The following CD6 variants were observed in gnomAD, a reference collection of about 807,000 sequenced individuals.
CD6 encodes CD6 molecule.
A neutral mutation model predicts 75.3 loss-of-function variants in CD6; 53 were observed. The observed-to-expected ratio is 0.70, with a 90% confidence interval of 0.56 to 0.88. The LOEUF is 0.88. CD6 is among the 40% of genes least tolerant of loss of function. The pLI, the probability that CD6 is intolerant of heterozygous loss-of-function variation, is 0.00. For synonymous variants in CD6, 359 were observed against 381.5 expected (o/e 0.94, Z 0.69); for missense variants, 770 against 897.1 (o/e 0.86, Z 1.81).
rs149059693 is a variant in CD6 at position 61,016,848 on chromosome 11, C to T, written c.1511-631C>T. On this transcript the variant is annotated intron_variant, in intron 9 of 12. Coordinates refer to ENST00000313421, the MANE Select transcript of CD6 (RefSeq NM_006725.5). ...TGGGGGTGGGACACGGATGATTCCA[C>T]TTCTTCTGGCCTGTGGACCAGTGTT... 7.3e-3 allele frequency: 1,119 copies of T among 152,646 alleles called. 6 individuals carry two copies. The highest frequency in any genetic ancestry group is 0.017 in the Middle Eastern group (5 of 294). 9.5% of individuals were successfully genotyped at this position (152,646 alleles called of 1,614,324 possible).
intron 1 of CD6, among the ~76,000 whole-genome samples, chr11:61,002,974 T>TTCTTTTCTTG (rs1419032041): frequency 6.6e-6 from 1 of 152,124 alleles, no homozygotes; most frequent in Non-Finnish European, 1.5e-5. Context: ...TTCTTTTCTT[T>TTCTTTTCTTG]TCTTTTTTGA....
Position 61,002,484 on chromosome 11 carries a change from G to A in CD6, c.50-4090G>A, listed in dbSNP as rs544598272. On this transcript the variant is annotated intron_variant, in intron 1 of 12. Transcript: ENST00000313421. ...AGGCAGGAGAATTGCTTGAACCCAGGAGGTGAAGGTTGCAATGAGCCGAGA... is the reference window on the plus strand; with the variant it reads ...AGGCAGGAGAATTGCTTGAACCCAGAAGGTGAAGGTTGCAATGAGCCGAGA... 5.4e-4 allele frequency among the ~76,000 whole-genome samples: 82 copies of A among 152,166 alleles called. 1 individual carries two copies. Among genetic ancestry groups the A allele is most frequent in the Admixed American group, 2.7e-3 (41 of 15,284 alleles).
chr11:60,988,205 C>A (rs1857905960), intron 1 of CD6, among the ~76,000 whole-genome samples: 2 of 152,242 alleles, frequency 1.3e-5, no homozygotes, highest in African/African-American at 4.8e-5. Context: ...CCTTCACAGG[C>A]TCCTCATGGA....
At chr11:60,976,264 T>C (rs1230615895) in intron 1 of CD6, among the ~76,000 whole-genome samples, 2 of 152,234 alleles carry the variant, frequency 1.3e-5, no homozygotes, top group Non-Finnish European at 2.9e-5. Flanking sequence ...TAAGTGAGAA[T>C]GTGGTGTTTG....
intron 1 of CD6, among the ~76,000 whole-genome samples, chr11:60,983,100 CTTT>C (rs34513880): frequency 2.8e-5 from 4 of 143,198 alleles, no homozygotes; most frequent in African/African-American, 2.6e-5. Flanking sequence ...TTTTACTTCA[CTTT>C]TTTTTTTTTT....
At chr11:60,989,047 C>G (rs771758827) in intron 1 of CD6, among the ~76,000 whole-genome samples, 3 of 152,194 alleles carry the variant, frequency 2.0e-5, no homozygotes, top group Non-Finnish European at 4.4e-5. Flanking sequence ...TCTGTCCCAC[C>G]TCCAGGTGTT....
chr11:60,972,335 C>T (rs1446582751), intron 1 of CD6, among the ~76,000 whole-genome samples: 2 of 152,202 alleles, frequency 1.3e-5, no homozygotes, highest in Non-Finnish European at 1.5e-5. Flanking sequence ...GTCCAGCAGG[C>T]GTAGGCCAAT....
At chr11:61,018,060 G>A (rs758278269) in intron 11 of CD6, 47 bp downstream of exon 11, 12 of 1,593,540 alleles carry the variant, frequency 7.5e-6, no homozygotes, top group Non-Finnish European at 1.0e-5. Context: ...CAGCCTGGCT[G>A]GAGGAGGCAT....
At chr11:60,998,646 G>A (rs1590698590) in intron 1 of CD6, among the ~76,000 whole-genome samples, 1 of 152,130 alleles carries the variant, frequency 6.6e-6, no homozygotes, top group South Asian at 2.1e-4. Flanking sequence ...GGCTTTAGCT[G>A]GCGTGGCCAC....
At chr11:60,993,520 T>C (rs1409747710) in intron 1 of CD6, among the ~76,000 whole-genome samples, 1 of 146,192 alleles carries the variant, frequency 6.8e-6, no homozygotes, top group Non-Finnish European at 1.6e-5. Context: ...TTTACGAAGA[T>C]CACCCACCCG....
Position 61,015,756 on chromosome 11 carries a change from C to T in CD6, c.1431C>T (p.Asp477=). ...PIQVQAPPPE[D]SDSGSDSDYE... ...AGGTCCAGGCCCCGCCCCCTGAGGA[C>T]TCAGACTCTGGCTCGGACTCAGACT... The change falls in exon 9 of 13, where the codon GAC becomes GAT. Residue 477 remains aspartate, a synonymous_variant. Coordinates refer to ENST00000313421, the MANE Select transcript of CD6 (RefSeq NM_006725.5). 1 of 1,614,190 alleles carries T rather than the reference C, an allele frequency of 6.2e-7. No individual in the cohort carries two copies. The highest frequency in any genetic ancestry group is 1.1e-5 in the South Asian group (1 of 91,086).
At chr11:60,998,287 A>T (rs1858401021) in intron 1 of CD6, among the ~76,000 whole-genome samples, 1 of 152,192 alleles carries the variant, frequency 6.6e-6, no homozygotes. Flanking sequence ...TTGCTAGTAC[A>T]TGTAATGCAC....
intron 1 of CD6, among the ~76,000 whole-genome samples, chr11:60,986,674 A>C (rs1176540604): frequency 6.6e-6 from 1 of 152,142 alleles, no homozygotes; most frequent in Non-Finnish European, 1.5e-5. Flanking sequence ...TCTCCCTCTT[A>C]CGGGTTCCTT....
intron 1 of CD6, 86 bp from the exon 2 acceptor site, chr11:61,006,488 G>T: frequency 8.9e-7 from 1 of 1,128,412 alleles, no homozygotes; most frequent in South Asian, 1.3e-5. Flanking sequence ...ACAGGCTCCA[G>T]GAAGTGCCCC....
At chr11:60,999,290 C>A (rs529381406) in intron 1 of CD6, among the ~76,000 whole-genome samples, 8 of 150,648 alleles carry the variant, frequency 5.3e-5, no homozygotes, top group African/African-American at 1.7e-4. Flanking sequence ...CAAGGCACTG[C>A]GCAAGGTCCT....
intron 1 of CD6, among the ~76,000 whole-genome samples, chr11:60,988,293 G>C (rs1857908743): frequency 6.6e-6 from 1 of 152,184 alleles, no homozygotes; most frequent in African/African-American, 2.4e-5. Flanking sequence ...TCCTTCCAAG[G>C]AACCCATATT....
At chr11:61,018,936 A>T (rs977457085) in intron 12 of CD6, 1 of 368,660 alleles carries the variant, frequency 2.7e-6, no homozygotes, top group African/African-American at 2.1e-5. Flanking sequence ...GCTCCCTGTC[A>T]GTGGAGGCAT....
At chr11:61,018,043 C>T in intron 11 of CD6, 30 bp downstream of exon 11, 1 of 1,603,386 alleles carries the variant, frequency 6.2e-7, no homozygotes, top group Non-Finnish European at 8.5e-7. Context: ...AACCCCCATC[C>T]CATAGCCAGC....
Position 61,007,969 on chromosome 11 carries a change from C to A in CD6, c.469+59C>A, listed in dbSNP as rs908359920. 1.8e-6 allele frequency: 2 copies of A among 1,125,014 alleles called. No homozygotes were observed. Among genetic ancestry groups the A allele is most frequent in the Non-Finnish European group, 1.1e-6 (1 of 870,902 alleles). The allele number at this position is 1,125,014 out of a possible 1,614,324, so 69.7% of individuals were successfully genotyped here. Reference sequence around the variant, plus strand: ...GCCCCACTCCCCAGGCCTTCAGCCACTGCCCCTGGCTCCAGACCCTGGACG... The same window carrying A: ...GCCCCACTCCCCAGGCCTTCAGCCAATGCCCCTGGCTCCAGACCCTGGACG... On this transcript the variant is annotated intron_variant, in intron 3 of 12. Transcript: ENST00000313421. This position sits in a 1 kb window ranked among gnomAD's most constrained non-coding sequence, Gnocchi z 4.2.
Sources: allele counts gnomAD v4.1 joint callset (sites outside exome capture counted in the v4.1 genomes callset), GRCh38; gene constraint gnomAD v4.1.1; non-coding constraint Gnocchi (gnomAD v3.1); transcripts MANE v1.5; gene names NCBI Gene and HGNC (gene_info 2026-07-23, HGNC 2026-07-21).